Variants in TUT7 observed in about 807,000 individuals in gnomAD.
TUT7 encodes the protein terminal uridylyl transferase 7.
TUT7 carries 33 observed loss-of-function variants against 165.9 expected under a neutral mutation model. The observed-to-expected ratio is 0.20, with a 90% CI of 0.15 to 0.27. The LOEUF (loss-of-function observed/expected upper bound fraction) is 0.27. Ranked by LOEUF, TUT7 falls within the 10% of genes least tolerant of loss-of-function variation. The pLI is 1.00. For synonymous variants in TUT7, 552 were observed against 608.1 expected, an observed-to-expected ratio of 0.91 and a Z score of 1.36; for missense variants, 1,338 against 1,762.3, an observed-to-expected ratio of 0.76 and a Z score of 4.31.
In TUT7 at chr9:86,297,658, T is replaced by A. The variant is rs963196739; in HGVS notation, c.4420+3618A>T. Among the ~76,000 whole-genome samples, 167 of 152,164 alleles carry A rather than the reference T, an allele frequency of 1.1e-3. 1 individual carries two copies. Among genetic ancestry groups the A allele is most frequent in the African/African-American group, 3.9e-3 (162 of 41,512 alleles). On this transcript the variant is annotated intron_variant, in intron 26 of 26. Coordinates refer to ENST00000375963, the MANE Select transcript of TUT7 (RefSeq NM_024617.4). ...GTCTGGGCAACATAGTGAGACCACA[T>A]CTCTACAAATCGGGAGGCTGAGATG...
At chr9:86,348,362 C>G (rs2131608086) in intron 2 of TUT7, among the ~76,000 whole-genome samples, 1 of 152,300 alleles carries the variant, frequency 6.6e-6, no homozygotes, top group South Asian at 2.1e-4. Context: ...CTAATACTGT[C>G]CCCATTGTAC....
At chr9:86,303,697 C>T (rs1827171153) in intron 24 of TUT7, among the ~76,000 whole-genome samples, 1 of 152,212 alleles carries the variant, frequency 6.6e-6, no homozygotes, top group African/African-American at 2.4e-5. Flanking sequence ...ATGGTCTAGC[C>T]TGTAGCCTCT....
intron 11 of TUT7, 35 bp from the exon 12 acceptor site, chr9:86,325,549 C>T: frequency 6.4e-7 from 1 of 1,561,050 alleles, no homozygotes; most frequent in Non-Finnish European, 8.7e-7. Flanking sequence ...CAGGTTATTT[C>T]AGATGTAAGT....
At chr9:86,349,776 T>C (rs757484149) in intron 2 of TUT7, among the ~76,000 whole-genome samples, 13 of 152,196 alleles carry the variant, frequency 8.5e-5, no homozygotes, top group African/African-American at 2.2e-4. Flanking sequence ...TTTCAAGGGA[T>C]AGAAACTGAA....
Position 86,345,045 on chromosome 9 carries a change from T to C in TUT7, c.929A>G (p.Asn310Ser), listed in dbSNP as rs759102298. ...TTCCAGCCTCTGTTCCAAGTTCTCATTGTGTAAGCCAAATTCCTGTACCAC... is the reference window on the plus strand; with the variant it reads ...TTCCAGCCTCTGTTCCAAGTTCTCACTGTGTAAGCCAAATTCCTGTACCAC... ...DKVVQEFGLHNENLEQRLEIK... is the reference protein window; with the variant it reads ...DKVVQEFGLHSENLEQRLEIK... Residue 310 changes from asparagine to serine, a missense_variant, in exon 5 of 27, where the codon AAT becomes AGT. Around this residue, in one of 7 missense-constraint regions of TUT7, gnomAD observed 434 missense variants for 480.8 expected, o/e 0.90. Coordinates refer to ENST00000375963, the MANE Select transcript of TUT7 (RefSeq NM_024617.4). The C allele has an allele frequency of 3.7e-6, 6 of 1,613,902 alleles. No individual in the cohort carries two copies. Among genetic ancestry groups the C allele is most frequent in the Non-Finnish European group, 3.4e-6 (4 of 1,179,912 alleles).
intron 10 of TUT7, among the ~76,000 whole-genome samples, chr9:86,335,786 C>G (rs949534403): frequency 2.0e-5 from 3 of 152,094 alleles, no homozygotes; most frequent in Non-Finnish European, 4.4e-5. Context: ...TGCTGAACAC[C>G]GCAGGATCAT....
At chr9:86,317,696 T>G (rs1206724086) in intron 16 of TUT7, among the ~76,000 whole-genome samples, 2 of 152,232 alleles carry the variant, frequency 1.3e-5, no homozygotes, top group African/African-American at 4.8e-5. Flanking sequence ...TAAGAGTTGA[T>G]GAATTGCTGT....
At chr9:86,328,228 T>C in intron 11 of TUT7, 112 bp downstream of exon 11, 1 of 1,148,476 alleles carries the variant, frequency 8.7e-7, no homozygotes, top group Admixed American at 3.0e-5. Context: ...GACTGGCAAA[T>C]GAAAGAGCCA....
chr9:86,312,083 C>T (rs933511058), intron 17 of TUT7, among the ~76,000 whole-genome samples: 8 of 152,008 alleles, frequency 5.3e-5, no homozygotes, highest in Non-Finnish European at 8.8e-5. Context: ...GGCCGCCCAT[C>T]GTCTGGGATG....
At chr9:86,333,868 G>A (rs1162147516) in intron 10 of TUT7, among the ~76,000 whole-genome samples, 1 of 152,092 alleles carries the variant, frequency 6.6e-6, no homozygotes, top group Non-Finnish European at 1.5e-5. Context: ...GATGTTTATT[G>A]TTTTCTGCAG....
At chr9:86,328,301 GC>G (rs749998664) in intron 11 of TUT7, 38 bp downstream of exon 11, 1 of 1,510,964 alleles carries the variant, frequency 6.6e-7, no homozygotes, top group African/African-American at 1.4e-5. Context: ...TTCACAATTG[GC>G]AAGTGAAACT....
chr9:86,327,477 C>T (rs764619731), intron 11 of TUT7, among the ~76,000 whole-genome samples: 9 of 152,204 alleles, frequency 5.9e-5, no homozygotes, highest in Non-Finnish European at 1.0e-4. Context: ...GGCGAAGTCA[C>T]TTGCCCAAGG....
intron 26 of TUT7, among the ~76,000 whole-genome samples, chr9:86,292,871 T>A (rs1230248770): frequency 6.6e-6 from 1 of 152,216 alleles, no homozygotes; most frequent in African/African-American, 2.4e-5. Flanking sequence ...TTTCCCAAAA[T>A]GTTAAACCCT....
At chr9:86,293,919 C>CT (rs1656750783) in intron 26 of TUT7, among the ~76,000 whole-genome samples, 1 of 152,014 alleles carries the variant, frequency 6.6e-6, no homozygotes, top group South Asian at 2.1e-4. Flanking sequence ...CTAAATCTGT[C>CT]TTTTTAGTAG....
In TUT7 at chr9:86,304,944, G is replaced by C; in HGVS notation, c.3890C>G (p.Thr1297Arg). The change falls in exon 24 of 27, where the codon ACA (threonine) becomes AGA (arginine). Residue 1297 changes from threonine to arginine, a missense_variant. By Grantham distance (71) the Thr-to-Arg change is moderately conservative (BLOSUM62 -1). This residue lies in a region of TUT7 where 157 missense variants were observed against 357.5 expected (regional missense o/e 0.44). Transcript: ENST00000375963. ...NLGAGLSRKM[T>R]NFIMKAFING... ...GATAAAAGCCTTCATTATAAAATTT[G>C]TCACTAAAAAGAAGAGTAAGAACTC... 6.2e-7 allele frequency: 1 copy of C among 1,600,394 alleles called. No individual in the cohort carries two copies. The highest frequency in any genetic ancestry group is 8.5e-7 in the Non-Finnish European group (1 of 1,171,880).
intron 25 of TUT7, among the ~76,000 whole-genome samples, chr9:86,302,752 G>C (rs1827062627): frequency 6.6e-6 from 1 of 151,510 alleles, no homozygotes; most frequent in South Asian, 2.1e-4. Flanking sequence ...AAGTAGCTGG[G>C]ACTACAGGTG....
chr9:86,336,149 A>G (rs1024739390), intron 10 of TUT7, among the ~76,000 whole-genome samples: 3 of 152,202 alleles, frequency 2.0e-5, no homozygotes, highest in Admixed American at 2.0e-4. Context: ...AACTTATCCA[A>G]CTTGTGCCAG....
intron 18 of TUT7, 43 bp downstream of exon 18, chr9:86,310,663 T>G (rs762527880): frequency 9.3e-7 from 1 of 1,074,334 alleles, no homozygotes; most frequent in Admixed American, 1.9e-5. Context: ...GAGACATTTG[T>G]TCCCTTAACC....
At chr9:86,325,873 T>C (rs572320394) in intron 11 of TUT7, among the ~76,000 whole-genome samples, 8 of 152,330 alleles carry the variant, frequency 5.3e-5, no homozygotes, top group African/African-American at 1.9e-4. Context: ...TTACTGCTGC[T>C]GGAGGCACCT....
Sources: gnomAD v4.1 joint callset for allele counts (sites outside exome capture counted in the v4.1 genomes callset) on GRCh38, gnomAD v4.1.1 for gene constraint, gnomAD v4.1.1 regional missense constraint, MANE v1.5 for transcripts, NCBI Gene and HGNC (gene_info 2026-07-23, HGNC 2026-07-21) for gene names.